Variants in TRPV3 observed in about 807,000 individuals in gnomAD.
TRPV3 encodes transient receptor potential cation channel subfamily V member 3.
Under a neutral mutation model 87.1 loss-of-function variants are expected in TRPV3, and 88 were observed. The ratio of observed to expected loss-of-function variants is 1.01; its 90% CI spans 0.85 to 1.21. TRPV3 has a LOEUF of 1.21. TRPV3 is among the 50% of genes most tolerant of loss of function. The probability of loss-of-function intolerance (pLI) is 0.00; values close to 1 mark genes in which losing one functional copy is unlikely to be tolerated. For synonymous variants in TRPV3, 438 were observed against 423.3 expected (o/e 1.03, Z -0.43); for missense variants, 1,054 against 1,030.1 (o/e 1.02, Z -0.32).
intron 16 of TRPV3, among the ~76,000 whole-genome samples, 182 bp downstream of exon 16, chr17:3,516,275 C>A (rs1350051102): frequency 6.6e-6 from 1 of 152,126 alleles, no homozygotes; most frequent in South Asian, 2.1e-4. Flanking sequence ...CTCAGGAACC[C>A]CCATCTCAGG....
In TRPV3 at chr17:3,528,265, A is replaced by C. The variant is rs1597475570; in HGVS notation, c.1402-139T>G. ...ATGAAACCTGATCTCTGTACAGGGC[A>C]AGAGAAGGAAGAGCAGCTCCCTGAC... On this transcript the variant is annotated intron_variant, in intron 10 of 17. Coordinates refer to ENST00000576742, the MANE Select transcript of TRPV3 (RefSeq NM_145068.4). The surrounding 1 kb of genome is among the most constrained non-coding windows in gnomAD (Gnocchi z 4.2). 1 of 621,722 alleles carries C rather than the reference A, an allele frequency of 1.6e-6. No homozygotes were observed. The highest frequency in any genetic ancestry group is 2.8e-5 in the East Asian group (1 of 35,116). 38.5% of individuals were successfully genotyped at this position (621,722 alleles called of 1,614,324 possible).
intron 8 of TRPV3, 42 bp downstream of exon 8, chr17:3,532,615 T>TGACCTCCC: frequency 6.2e-7 from 1 of 1,604,732 alleles, no homozygotes; most frequent in Non-Finnish European, 8.5e-7. Flanking sequence ...CTGTACCTCC[T>TGACCTCCC]GACCTCCCGA....
intron 9 of TRPV3, 81 bp from the exon 10 acceptor site, chr17:3,529,076 GAGTCAGTGCTGC>G (rs1441794934): frequency 6.7e-7 from 1 of 1,498,984 alleles, no homozygotes; most frequent in African/African-American, 1.4e-5. Flanking sequence ...CGGGAGCTCT[GAGTCAGTGCTGC>G]AGAAGGGGCC....
rs150128236 is a variant in TRPV3 at position 3,554,758 on chromosome 17, C to T, written c.93G>A (p.Pro31=). ...GNPAILPEKR[P]AEITPTKKSA... is the part of the protein sequence containing the mutation. ...TCTTCTTTGTGGGGGTGATCTCCGC[C>T]GGCCTCTTCTCTGGCAGGATGGCAG... Residue 31 remains proline, a synonymous_variant, in exon 2 of 18, where the codon CCG becomes CCA. Coordinates refer to ENST00000576742, the MANE Select transcript of TRPV3 (RefSeq NM_145068.4). The T allele has an allele frequency of 6.2e-5, 100 of 1,612,474 alleles. No individual in the cohort carries two copies. The African/African-American group carries it at 8.8e-4, about 14-fold the overall frequency.
At position 3,520,850 on chromosome 17, in the gene TRPV3, A is replaced by G. The variant is rs2074238686; in HGVS notation, c.1810+123T>C. Reference sequence around the variant, plus strand: ...AGGTAATGCTTGGAAAATGCCAAGCATGGCAAGTGCCCCACTGGTAGTTGG... The same window carrying G: ...AGGTAATGCTTGGAAAATGCCAAGCGTGGCAAGTGCCCCACTGGTAGTTGG... On this transcript the variant is annotated intron_variant, in intron 14 of 17. Transcript: ENST00000576742. The G allele has an allele frequency of 5.8e-6, 3 of 518,388 alleles. No homozygotes were observed. The African/African-American group carries it at 6.0e-5, about 10-fold the overall frequency. The allele number at this position is 518,388 out of a possible 1,614,324, so 32.1% of individuals were successfully genotyped here. A position where few individuals can be genotyped will look rare whatever the true frequency, so the allele number is the denominator to read the frequency against.
chr17:3,543,018 A>G (rs1273139551), intron 5 of TRPV3, among the ~76,000 whole-genome samples: 2 of 151,536 alleles, frequency 1.3e-5, no homozygotes, highest in African/African-American at 4.9e-5. Flanking sequence ...GTGGCCTGCA[A>G]ATAAAGCTCA....
intron 2 of TRPV3, among the ~76,000 whole-genome samples, chr17:3,551,082 T>C (rs909227855): frequency 6.6e-6 from 1 of 151,946 alleles, no homozygotes; most frequent in Non-Finnish European, 1.5e-5. Flanking sequence ...TCTGTTGGGG[T>C]GGGATTTGGT....
rs761480133 is a variant in TRPV3 at position 3,525,066 on chromosome 17, C to T, written c.1578-703G>A. ...ACAGGGTCTTGCTCTGTCACCTAGG[C>T]TGGAGTACAGTGGCATGAACTCTGC... On this transcript the variant is annotated intron_variant, in intron 12 of 17. Transcript: ENST00000576742. Among the ~76,000 whole-genome samples, 9 of 152,332 alleles carry T rather than the reference C, an allele frequency of 5.9e-5. No homozygotes were observed. In the South Asian group the frequency reaches 1.2e-3, roughly 21 times the overall value.
chr17:3,519,136 A>T (rs1227620110), intron 14 of TRPV3, among the ~76,000 whole-genome samples: 1 of 152,084 alleles, frequency 6.6e-6, no homozygotes, highest in African/African-American at 2.4e-5. Flanking sequence ...ATTATAATCC[A>T]TGTGTGTGTC....
rs1397783602 is a variant in TRPV3 at position 3,514,610 on chromosome 17, C to G, written c.2261G>C (p.Gly754Ala). Residue 754 changes from glycine (G) to alanine (A), a missense_variant, in exon 17 of 18, where the codon GGG becomes GCG. Transcript: ENST00000576742. The part of the protein sequence containing the change: ...THVSFLNEDP[G>A]PVRRTDFNKI... ...GACAGTACCTGTTCGTCTTACAGGC[C>G]CCGGGTCTTCGTTAAGGAAGGAGAC... is the stretch of plus-strand genomic sequence containing the variant. 3.7e-6 allele frequency: 6 copies of G among 1,613,870 alleles called. No homozygotes were observed. The highest frequency in any genetic ancestry group is 5.1e-6 in the Non-Finnish European group (6 of 1,179,782).
Position 3,532,884 on chromosome 17 carries a change from G to T in TRPV3, c.838C>A (p.Leu280Met). The change falls in exon 8 of 18, where the codon CTG (leucine) becomes ATG (methionine). Residue 280 changes from leucine (L) to methionine (M), a missense_variant. Leu to Met is a conservative substitution (Grantham distance 15). Coordinates refer to ENST00000576742, the MANE Select transcript of TRPV3 (RefSeq NM_145068.4). ...ACTNQPEIVQLLMEHEQTDIT... is the reference protein window; with the variant it reads ...ACTNQPEIVQMLMEHEQTDIT... ...TCCGTCTGCTCGTGCTCCATCAGCA[G>T]CTGCACAATCTCGGGCTGGTTGGTG... The T allele has an allele frequency of 6.2e-7, 1 of 1,614,248 alleles. No individual in the cohort carries two copies.
Position 3,514,014 on chromosome 17 carries a change from G to A in TRPV3, c.2279-3C>T, listed in dbSNP as rs746999370. ...AGAATCTTGGATTTTGTTGAAATCT[G>A]CTTTTTAAAAAAATATATATTTTAG... On this transcript the variant is annotated splice_polypyrimidine_tract_variant and splice_region_variant and intron_variant, in intron 17 of 17. Coordinates refer to ENST00000576742, the MANE Select transcript of TRPV3 (RefSeq NM_145068.4). The A allele has an allele frequency of 6.2e-7, 1 of 1,607,446 alleles. No individual in the cohort carries two copies. The highest frequency in any genetic ancestry group is 8.5e-7 in the Non-Finnish European group (1 of 1,175,506).
rs1597487597 is a variant in TRPV3 at position 3,543,521 on chromosome 17, A to C, written c.419T>G (p.Val140Gly). 1 of 1,614,006 alleles carries C rather than the reference A, an allele frequency of 6.2e-7. No homozygotes were observed. Among genetic ancestry groups the C allele is most frequent in the Non-Finnish European group, 8.5e-7 (1 of 1,180,020 alleles). ...CCGCCTGCAAAGCTCCTGCAGCTCC[A>C]CCAGCAACTCTACCAACTCCTCCAC... ...GCVEELVELL[V>G]ELQELCRRRH... Residue 140 changes from valine (V) to glycine (G), a missense_variant, in exon 5 of 18, where the codon GTG becomes GGG. Physicochemically the swap from Val to Gly is moderately radical, Grantham distance 109 (BLOSUM62 -3). Coordinates refer to ENST00000576742, the MANE Select transcript of TRPV3 (RefSeq NM_145068.4).
At chr17:3,548,736 G>C (rs2074546743) in intron 2 of TRPV3, among the ~76,000 whole-genome samples, 1 of 152,170 alleles carries the variant, frequency 6.6e-6, no homozygotes, top group African/African-American at 2.4e-5. Flanking sequence ...TCTTCCAAAA[G>C]GGAAGACAAA....
Position 3,556,197 on chromosome 17 carries a change from A to T in TRPV3, c.-2-1345T>A, listed in dbSNP as rs944366196. ...GTCTCAAAAAAAATGAAAAAAAAAA[A>T]AAATAAAGTTTTTATTAAACATAAA... On this transcript the variant is annotated intron_variant, in intron 1 of 17. Coordinates refer to ENST00000576742, the MANE Select transcript of TRPV3 (RefSeq NM_145068.4). The surrounding 1 kb of genome is among the most constrained non-coding windows in gnomAD (Gnocchi z 4.2). 2.0e-5 allele frequency among the ~76,000 whole-genome samples: 3 copies of T among 151,774 alleles called. No individual in the cohort carries two copies. Among genetic ancestry groups the T allele is most frequent in the Non-Finnish European group, 2.9e-5 (2 of 67,926 alleles).
At chr17:3,532,634 C>A (rs764181842) in intron 8 of TRPV3, 23 bp downstream of exon 8, 8 of 1,611,138 alleles carry the variant, frequency 5.0e-6, no homozygotes, top group Middle Eastern at 1.7e-4. Context: ...GACCTCCTGC[C>A]TCCCCACGCC....
intron 6 of TRPV3, among the ~76,000 whole-genome samples, chr17:3,540,890 T>A (rs1351775274): frequency 6.6e-6 from 1 of 152,240 alleles, no homozygotes; most frequent in East Asian, 1.9e-4. Context: ...AGCACTCAGT[T>A]GCAACAGTCT....
At chr17:3,540,752 G>T (rs1252948969) in intron 6 of TRPV3, among the ~76,000 whole-genome samples, 1 of 152,216 alleles carries the variant, frequency 6.6e-6, no homozygotes, top group Non-Finnish European at 1.5e-5. Flanking sequence ...AAGCAAGCTT[G>T]AGGCACTGGC....
In TRPV3 at chr17:3,528,012, G is replaced by T; in HGVS notation, c.1503+13C>A. The T allele has an allele frequency of 6.2e-7, 1 of 1,602,224 alleles. No homozygotes were observed. On this transcript the variant is annotated intron_variant, in intron 11 of 17. Transcript: ENST00000576742. This position sits in a 1 kb window ranked among gnomAD's most constrained non-coding sequence, Gnocchi z 4.2. ...TCGCGGGGCGGTCTGGAAGGGCCGG[G>T]TGGCCCACTTACCTCTTTCACAGAG...
Sources: allele counts gnomAD v4.1 joint callset (sites outside exome capture counted in the v4.1 genomes callset), GRCh38; gene constraint gnomAD v4.1.1; non-coding constraint Gnocchi (gnomAD v3.1); transcripts MANE v1.5; gene names NCBI Gene and HGNC (gene_info 2026-07-23, HGNC 2026-07-21).